Variants in TRAF3IP3 observed in about 807,000 individuals in gnomAD.
TRAF3IP3 encodes the protein TRAF3-interacting JNK-activating modulator.
Under a neutral mutation model 86.5 loss-of-function variants are expected in TRAF3IP3, and 64 were observed. That is an observed-to-expected ratio of 0.74 (90% CI 0.60 to 0.91). The LOEUF (loss-of-function observed/expected upper bound fraction) is 0.91. Ranked by LOEUF, TRAF3IP3 falls within the 40% of genes least tolerant of loss-of-function variation. TRAF3IP3 has a pLI of 0.00. For missense variants in TRAF3IP3, 579 were observed against 642.9 expected, an observed-to-expected ratio of 0.90 and a Z score of 1.07; for synonymous variants, 220 against 243.9, an observed-to-expected ratio of 0.90 and a Z score of 0.91.
At chr1:209,763,030 G>C in intron 5 of TRAF3IP3, 38 bp from the exon 6 acceptor site, 2 of 1,611,554 alleles carry the variant, frequency 1.2e-6, no homozygotes, top group Non-Finnish European at 1.7e-6. Context: ...TTGATTCTTT[G>C]GTCCATTATC....
rs754879152 is a variant in TRAF3IP3 at position 209,781,300 on chromosome 1, C to T, written c.1450-45C>T. On this transcript the variant is annotated intron_variant, in intron 15 of 16. Coordinates refer to ENST00000367025, the MANE Select transcript of TRAF3IP3 (RefSeq NM_025228.4). Reference sequence around the variant, plus strand: ...GCAGTCTCCCCTGCCTGGGCTCTGTCCTAGACAGAAGTGACAGTGATGACT... The same window carrying T: ...GCAGTCTCCCCTGCCTGGGCTCTGTTCTAGACAGAAGTGACAGTGATGACT... 12 of 1,420,016 alleles carry T rather than the reference C, an allele frequency of 8.5e-6. No individual in the cohort carries two copies. The East Asian group carries it at 2.5e-4, about 30-fold the overall frequency. 88.0% of individuals were successfully genotyped at this position (1,420,016 alleles called of 1,614,324 possible).
intron 1 of TRAF3IP3, chr1:209,758,809 A>G (rs1294431739): frequency 6.5e-6 from 1 of 153,152 alleles, no homozygotes; most frequent in Admixed American, 6.5e-5. Flanking sequence ...ATCCAGCCCA[A>G]CTCAGCAAAG....
intron 16 of TRAF3IP3, 84 bp from the exon 17 acceptor site, chr1:209,781,972 A>G (rs977917523): frequency 1.8e-6 from 2 of 1,132,118 alleles, no homozygotes; most frequent in Admixed American, 1.7e-5. Flanking sequence ...CCACTGGGCT[A>G]GAGTAGGAAG....
chr1:209,780,669 A>G (rs2077757629), intron 15 of TRAF3IP3, 63 bp downstream of exon 15: 1 of 1,411,588 alleles, frequency 7.1e-7, no homozygotes, highest in Non-Finnish European at 9.4e-7. Context: ...CCTGGGAGGC[A>G]GTCAAAAAGC....
At chr1:209,760,421 G>T (rs2077226355) in intron 3 of TRAF3IP3, 37 bp downstream of exon 3, 5 of 1,509,142 alleles carry the variant, frequency 3.3e-6, no homozygotes, top group Non-Finnish European at 4.5e-6. Context: ...TGTGTGCTCT[G>T]GGACCCTCTC....
At chr1:209,777,540 T>C in intron 12 of TRAF3IP3, 53 bp downstream of exon 12, 13 of 1,495,330 alleles carry the variant, frequency 8.7e-6, no homozygotes, top group Non-Finnish European at 1.2e-5. Flanking sequence ...CCAAGTGAGC[T>C]AAGAAAAAAG....
intron 8 of TRAF3IP3, among the ~76,000 whole-genome samples, chr1:209,765,680 G>C (rs1558013676): frequency 6.6e-6 from 1 of 152,006 alleles, no homozygotes; most frequent in Non-Finnish European, 1.5e-5. Flanking sequence ...AAAAGAAAAA[G>C]AAAAAGAACC....
chr1:209,765,471 G>C, intron 8 of TRAF3IP3, among the ~76,000 whole-genome samples: 1 of 152,038 alleles, frequency 6.6e-6, no homozygotes, highest in East Asian at 1.9e-4. Flanking sequence ...TTCAAGACCA[G>C]CCTGGGCAAC....
chr1:209,770,248 G>A (rs944635394), intron 8 of TRAF3IP3, among the ~76,000 whole-genome samples: 3 of 152,156 alleles, frequency 2.0e-5, no homozygotes, highest in African/African-American at 7.2e-5. Flanking sequence ...ATATCTCTCC[G>A]TTTCTTGCTT....
chr1:209,780,615 G>A lies in TRAF3IP3; in HGVS notation c.1449+9G>A, dbSNP rs1222313788. 1.9e-6 allele frequency: 3 copies of A among 1,573,472 alleles called. No individual in the cohort carries two copies. The highest frequency in any genetic ancestry group is 2.7e-5 in the African/African-American group (2 of 73,130). On this transcript the variant is annotated intron_variant, in intron 15 of 16. Transcript: ENST00000367025. ...AGGCCAAGGAAAAGGAGGTGAGAGGGTGACCTGAGATAGTGAGGGCTCATT... is the reference window on the plus strand; with the variant it reads ...AGGCCAAGGAAAAGGAGGTGAGAGGATGACCTGAGATAGTGAGGGCTCATT...
chr1:209,780,619 C>T lies in TRAF3IP3; in HGVS notation c.1449+13C>T, dbSNP rs577108433. The T allele has an allele frequency of 3.2e-6, 5 of 1,554,986 alleles. No individual in the cohort carries two copies. In the Admixed American group the frequency reaches 7.5e-5, roughly 23 times the overall value. ...CAAGGAAAAGGAGGTGAGAGGGTGACCTGAGATAGTGAGGGCTCATTTGCG... is the reference window on the plus strand; with the variant it reads ...CAAGGAAAAGGAGGTGAGAGGGTGATCTGAGATAGTGAGGGCTCATTTGCG... On this transcript the variant is annotated intron_variant, in intron 15 of 16. Transcript: ENST00000367025.
intron 8 of TRAF3IP3, among the ~76,000 whole-genome samples, chr1:209,765,914 C>T (rs1256664220): frequency 6.6e-6 from 1 of 152,200 alleles, no homozygotes; most frequent in East Asian, 1.9e-4. Context: ...TCCCAAGTTT[C>T]CTCAGAATCC....
intron 8 of TRAF3IP3, among the ~76,000 whole-genome samples, chr1:209,771,776 TG>T (rs2077539814): frequency 9.4e-6 from 1 of 106,656 alleles, no homozygotes; most frequent in African/African-American, 3.4e-5. Context: ...TGTGTGTATA[TG>T]GAGGTGTGCG....
intron 9 of TRAF3IP3, among the ~76,000 whole-genome samples, chr1:209,773,328 G>A (rs148250349): frequency 6.6e-6 from 1 of 152,254 alleles, no homozygotes; most frequent in African/African-American, 2.4e-5. Context: ...GAAGGCCCTT[G>A]GTAAAGACTC....
Position 209,775,444 on chromosome 1 carries a change from G to T in TRAF3IP3, c.870G>T (p.Val290=). Residue 290 remains valine, a synonymous_variant, in exon 10 of 17, where the codon GTG becomes GTT. Coordinates refer to ENST00000367025, the MANE Select transcript of TRAF3IP3 (RefSeq NM_025228.4). ...AGGCCAAGGAGTCACTGCAGAAAGT[G>T]CTGGAGGAGAAAATGAATGCAGAGC... is the stretch of plus-strand genomic sequence containing the variant. ...EQKAKESLQK[V]LEEKMNAEQQ... 2 of 1,614,236 alleles carry T rather than the reference G, an allele frequency of 1.2e-6. No homozygotes were observed. The highest frequency in any genetic ancestry group is 1.7e-6 in the Non-Finnish European group (2 of 1,180,052).
intron 16 of TRAF3IP3, chr1:209,781,684 C>T (rs2077783953): frequency 4.0e-6 from 2 of 503,410 alleles, no homozygotes; most frequent in South Asian, 2.4e-5. Flanking sequence ...GAAAGACTTA[C>T]TCTTAGCTAA....
chr1:209,779,178 T>C (rs2077723336), intron 13 of TRAF3IP3, 137 bp from the exon 14 acceptor site: 1 of 653,728 alleles, frequency 1.5e-6, no homozygotes, highest in Non-Finnish European at 2.7e-6. Flanking sequence ...CTTCAACATA[T>C]ATATTCTGGG....
Position 209,760,361 on chromosome 1 carries a change from A to C in TRAF3IP3, c.322A>C (p.Arg108=). The C allele has an allele frequency of 1.9e-6, 3 of 1,605,634 alleles. No individual in the cohort carries two copies. Among genetic ancestry groups the C allele is most frequent in the Non-Finnish European group, 2.6e-6 (3 of 1,176,034 alleles). The change falls in exon 3 of 17, where the codon AGG becomes CGG. Residue 108 remains arginine, a synonymous_variant. Transcript: ENST00000367025. ...VLKEPLSCAR[R]ISSPREQVTG... ...CAAGGAACCCTTGTCTTGTGCCAGA[A>C]GGATTTCTTCTCCCAGAGAGCAGGT...
At chr1:209,778,956 C>T (rs2077718326) in intron 13 of TRAF3IP3, 1 of 278,044 alleles carries the variant, frequency 3.6e-6, no homozygotes, top group Non-Finnish European at 6.9e-6. Context: ...TATCCCAGGG[C>T]TCTTTCCTTG....
Sources: allele counts gnomAD v4.1 joint callset (sites outside exome capture counted in the v4.1 genomes callset), GRCh38; gene constraint gnomAD v4.1.1; transcripts MANE v1.5; gene names NCBI Gene and HGNC (gene_info 2026-07-23, HGNC 2026-07-21).